PCDH15: variants seen among roughly 807,000 people sequenced by gnomAD.
PCDH15 encodes the protein protocadherin related 15.
In PCDH15, 129 loss-of-function variants were observed where a neutral mutation model predicts 178.5. The ratio of observed to expected loss-of-function variants is 0.72; its 90% CI spans 0.63 to 0.84. The LOEUF (loss-of-function observed/expected upper bound fraction) is 0.84, where lower values mean the gene tolerates loss of function less well. Among genes scored for constraint, PCDH15 ranks in the 40% least tolerant of loss-of-function variants. The pLI, the probability that PCDH15 is intolerant of heterozygous loss-of-function variation, is 0.00. For synonymous variants in PCDH15, 800 were observed against 732.0 expected (o/e 1.09, Z -1.50); for missense variants, 2,230 against 2,099.9 (o/e 1.06, Z -1.21).
intron 2 of PCDH15, among the ~76,000 whole-genome samples, chr10:54,653,613 C>T (rs1465917835): frequency 2.0e-5 from 3 of 152,076 alleles, no homozygotes; most frequent in Admixed American, 1.3e-4. Flanking sequence ...ATTTTGTTAC[C>T]TTTGGATTCT....
chr10:53,823,544 CTTAGAGTTG>C (rs2076459469), intron 32 of PCDH15: 8 of 732,826 alleles, frequency 1.1e-5, no homozygotes, highest in Non-Finnish European at 1.8e-5. Flanking sequence ...GCAGAAAAAT[CTTAGAGTTG>C]TGAGAAGAAT....
At chr10:54,844,887 A>C (rs920983909) in intron 3 of PCDH15, among the ~76,000 whole-genome samples, 5 of 151,912 alleles carry the variant, frequency 3.3e-5, no homozygotes, top group Non-Finnish European at 5.9e-5. Flanking sequence ...ACGTAGCCTT[A>C]ATTTAAATGT....
At chr10:55,380,825 G>A (rs1044820731) in intron 2 of PCDH15, among the ~76,000 whole-genome samples, 4 of 152,074 alleles carry the variant, frequency 2.6e-5, no homozygotes, top group African/African-American at 9.7e-5. Flanking sequence ...GCTAGATAAC[G>A]TGTTATCTTG....
chr10:53,927,861 G>T (rs2084702975), intron 25 of PCDH15, among the ~76,000 whole-genome samples: 1 of 152,018 alleles, frequency 6.6e-6, no homozygotes, highest in South Asian at 2.1e-4. Context: ...GAACTCACAG[G>T]CCAGATGTAT....
At chr10:54,552,359 C>T (rs1025505405) in intron 2 of PCDH15, among the ~76,000 whole-genome samples, 8 of 152,146 alleles carry the variant, frequency 5.3e-5, no homozygotes, top group African/African-American at 1.9e-4. Flanking sequence ...CTATATCCTA[C>T]TGTGATACTC....
At chr10:54,161,708 A>G (rs1476864560) in intron 13 of PCDH15, among the ~76,000 whole-genome samples, 1 of 152,074 alleles carries the variant, frequency 6.6e-6, no homozygotes, top group Admixed American at 6.6e-5. Flanking sequence ...AACTCACCAG[A>G]TAACTGTATC....
chr10:55,423,743 G>A (rs1441950428), intron 2 of PCDH15, among the ~76,000 whole-genome samples: 3 of 152,014 alleles, frequency 2.0e-5, no homozygotes, highest in East Asian at 1.9e-4. Flanking sequence ...TGCAGCAGGG[G>A]CAGACATAGC....
At chr10:55,544,950 C>T (rs1342725175) in intron 2 of PCDH15, among the ~76,000 whole-genome samples, 1 of 152,056 alleles carries the variant, frequency 6.6e-6, no homozygotes, top group Non-Finnish European at 1.5e-5. Context: ...CATCAACAAA[C>T]CTTGGAACCA....
At chr10:55,016,205 G>A (rs573933383) in intron 2 of PCDH15, among the ~76,000 whole-genome samples, 22 of 151,604 alleles carry the variant, frequency 1.5e-4, no homozygotes, top group African/African-American at 5.3e-4. Context: ...AATCACATCA[G>A]GGTAAATGTA....
At chr10:54,021,404 A>T (rs1440372087) in intron 19 of PCDH15, among the ~76,000 whole-genome samples, 2 of 152,066 alleles carry the variant, frequency 1.3e-5, no homozygotes, top group Non-Finnish European at 2.9e-5. Context: ...CTATTAAAGC[A>T]TACATTTTAT....
At chr10:55,019,246 C>T (rs1002571042) in intron 2 of PCDH15, among the ~76,000 whole-genome samples, 2 of 152,096 alleles carry the variant, frequency 1.3e-5, no homozygotes, top group East Asian at 3.9e-4. Flanking sequence ...ATAATAAACT[C>T]TAATTCCCAG....
At chr10:54,256,021 G>A (rs2056868975) in intron 8 of PCDH15, among the ~76,000 whole-genome samples, 1 of 152,122 alleles carries the variant, frequency 6.6e-6, no homozygotes, top group South Asian at 2.1e-4. Flanking sequence ...TGTAAGAAAG[G>A]GGAAGACCTC....
At chr10:54,447,223 T>C (rs907169767) in intron 3 of PCDH15, among the ~76,000 whole-genome samples, 1 of 151,632 alleles carries the variant, frequency 6.6e-6, no homozygotes, top group Non-Finnish European at 1.5e-5. Flanking sequence ...CTAGTTACTA[T>C]TTTTGTGTGT....
intron 1 of PCDH15, among the ~76,000 whole-genome samples, chr10:54,692,182 TTGTAGAG>T (rs2095134367): frequency 6.6e-6 from 1 of 152,134 alleles, no homozygotes; most frequent in Admixed American, 6.6e-5. Context: ...TGAACTGAAA[TTGTAGAG>T]TTCATTTATC....
At chr10:54,767,207 CAG>C (rs148772797) in intron 1 of PCDH15, among the ~76,000 whole-genome samples, 6,968 of 151,996 alleles carry the variant, frequency 0.046, 549 homozygotes, top group African/African-American at 0.16. Context: ...TGAATACAAA[CAG>C]AGAGTATTGA....
intron 7 of PCDH15, among the ~76,000 whole-genome samples, chr10:54,318,909 G>GT (rs1324250667): frequency 5.9e-5 from 9 of 152,036 alleles, no homozygotes; most frequent in Admixed American, 5.9e-4. Context: ...CCTCTTTCTT[G>GT]TTTCCCTTTC....
chr10:54,934,926 G>C (rs1223393671), intron 2 of PCDH15, among the ~76,000 whole-genome samples: 1 of 152,088 alleles, frequency 6.6e-6, no homozygotes, highest in African/African-American at 2.4e-5. Context: ...CATGTCCTTT[G>C]AAGGGACATG....
chr10:54,300,530 C>T (rs964603702), intron 8 of PCDH15, among the ~76,000 whole-genome samples: 2 of 152,168 alleles, frequency 1.3e-5, no homozygotes, highest in African/African-American at 4.8e-5. Context: ...TGCAGGGCCC[C>T]TTCTTCGCCC....
chr10:54,371,342 A>G (rs1947639702), intron 4 of PCDH15, among the ~76,000 whole-genome samples: 2 of 151,836 alleles, frequency 1.3e-5, no homozygotes, highest in African/African-American at 4.8e-5. Flanking sequence ...ACTAATGCAT[A>G]CTGTACATTA....
Sources: gnomAD v4.1 joint callset for allele counts (sites outside exome capture counted in the v4.1 genomes callset) on GRCh38, gnomAD v4.1.1 for gene constraint, MANE v1.5 for transcripts, NCBI Gene and HGNC (gene_info 2026-07-23, HGNC 2026-07-21) for gene names.